FAM13C: variants seen among roughly 807,000 people sequenced by gnomAD.
The protein encoded by FAM13C is family with sequence similarity 13 member C, also known as protein FAM13C.
In FAM13C, 37 loss-of-function variants were observed where a neutral mutation model predicts 73.2. That is an observed-to-expected ratio of 0.51 (90% CI 0.39 to 0.67). The LOEUF (loss-of-function observed/expected upper bound fraction) is 0.67. Ranked by LOEUF, FAM13C falls within the 30% of genes least tolerant of loss-of-function variation. The probability of loss-of-function intolerance (pLI) is 0.00; values close to 1 mark genes in which losing one functional copy is unlikely to be tolerated. For missense variants in FAM13C, 589 were observed against 715.6 expected, an observed-to-expected ratio of 0.82 and a Z score of 2.02; for synonymous variants, 246 against 260.9, an observed-to-expected ratio of 0.94 and a Z score of 0.55.
chr10:59,297,412 A>T (rs1309215525), intron 5 of FAM13C, among the ~76,000 whole-genome samples: 4 of 152,184 alleles, frequency 2.6e-5, no homozygotes, highest in African/African-American at 9.7e-5. Flanking sequence ...TGAATAGATT[A>T]TCATCCCCTT....
rs114253399 is a variant in FAM13C at position 59,269,814 on chromosome 10, C to T, written c.803+85G>A. ...GCGTTAGGCAGGCACATTTGTGCTA[C>T]TTCAGTCACACTTCATTGTAGCTTA... On this transcript the variant is annotated intron_variant, in intron 7 of 13. Coordinates refer to ENST00000618804, the MANE Select transcript of FAM13C (RefSeq NM_198215.4). 2.7e-3 allele frequency: 3,958 copies of T among 1,471,856 alleles called. 26 individuals carry two copies. Among genetic ancestry groups the T allele is most frequent in the African/African-American group, 0.021 (1,527 of 71,918 alleles). 91.2% of individuals were successfully genotyped at this position (1,471,856 alleles called of 1,614,324 possible).
intron 4 of FAM13C, among the ~76,000 whole-genome samples, chr10:59,311,043 G>C (rs929204952): frequency 2.6e-5 from 4 of 152,170 alleles, no homozygotes; most frequent in African/African-American, 7.2e-5. Context: ...TTTCTGGCCT[G>C]GTCCCCCAGG....
intron 3 of FAM13C, among the ~76,000 whole-genome samples, chr10:59,331,124 G>C (rs761708190): frequency 3.9e-5 from 6 of 152,194 alleles, no homozygotes; most frequent in Non-Finnish European, 8.8e-5. Context: ...AGTCAAGTTA[G>C]CAGTGGCAAT....
At chr10:59,341,240 T>C (rs1006791346) in intron 3 of FAM13C, among the ~76,000 whole-genome samples, 11 of 152,192 alleles carry the variant, frequency 7.2e-5, no homozygotes, top group African/African-American at 2.4e-4. Context: ...TCATGTTACC[T>C]ACAGCTGAAA....
In FAM13C at chr10:59,286,516, AATATATAT is replaced by A. The variant is rs1159774665; in HGVS notation, c.508-3077_508-3070del. On this transcript the variant is annotated intron_variant, in intron 5 of 13. Transcript: ENST00000618804. ...GGCAACAGAGCAAGACTCCATCTCA[AATATATAT>A]ATATATATATATATATATTCATCAT... Among the ~76,000 whole-genome samples the A allele has an allele frequency of 1.6e-3, 180 of 110,942 alleles. 9 individuals are homozygous for A. In the Middle Eastern group the frequency reaches 0.019, roughly 12 times the overall value. The allele number at this position is 110,942 out of a possible 152,430, so 72.8% of individuals were successfully genotyped here.
At chr10:59,309,604 TC>T (rs1848690543) in intron 4 of FAM13C, among the ~76,000 whole-genome samples, 1 of 152,222 alleles carries the variant, frequency 6.6e-6, no homozygotes, top group South Asian at 2.1e-4. Context: ...AGTAACTCAT[TC>T]ATACTTTAGA....
chr10:59,255,628 A>G (rs774889479), intron 10 of FAM13C, among the ~76,000 whole-genome samples: 7 of 152,158 alleles, frequency 4.6e-5, no homozygotes, highest in Non-Finnish European at 4.4e-5. Context: ...TCACCCAGGC[A>G]TCTTTTATCA....
chr10:59,352,138 G>T, intron 3 of FAM13C, 132 bp downstream of exon 3: 1 of 975,582 alleles, frequency 1.0e-6, no homozygotes, highest in Non-Finnish European at 1.5e-6. Context: ...TCTCAGGTCG[G>T]CAGAGCACGC....
Position 59,352,282 on chromosome 10 carries a change from G to A in FAM13C, c.312C>T (p.His104=), listed in dbSNP as rs561899209. 772 of 1,613,892 alleles carry A rather than the reference G, an allele frequency of 4.8e-4. 9 individuals carry two copies. In the South Asian group the frequency reaches 8.1e-3, roughly 17 times the overall value. ...AGAGAGCTGCTACCTGACTTTCTCCGTGGCTCCTCCCGCTCTCCGCTTTGA... is the reference window on the plus strand; with the variant it reads ...AGAGAGCTGCTACCTGACTTTCTCCATGGCTCCTCCCGCTCTCCGCTTTGA... ...SIFKAESGRS[H]GESQETEHVV... The change falls in exon 3 of 14, where the codon CAC becomes CAT. Residue 104 remains histidine, a synonymous_variant. Coordinates refer to ENST00000618804, the MANE Select transcript of FAM13C (RefSeq NM_198215.4).
chr10:59,268,452 C>T (rs1843329324), intron 8 of FAM13C, 101 bp downstream of exon 8: 3 of 1,490,138 alleles, frequency 2.0e-6, no homozygotes, highest in Non-Finnish European at 2.7e-6. Context: ...ACAGAGCTGT[C>T]CCCTGGCAAA....
chr10:59,331,502 A>G (rs1851974437), intron 3 of FAM13C, among the ~76,000 whole-genome samples: 1 of 152,178 alleles, frequency 6.6e-6, no homozygotes. Context: ...GAAACCTCTA[A>G]GTATGAAGAC....
chr10:59,349,362 C>T (rs1854725174), intron 3 of FAM13C, among the ~76,000 whole-genome samples: 1 of 152,206 alleles, frequency 6.6e-6, no homozygotes, highest in South Asian at 2.1e-4. Context: ...CTCTTGGATA[C>T]AGGCATCTGA....
chr10:59,326,295 CA>C (rs568687183), intron 3 of FAM13C, among the ~76,000 whole-genome samples: 51 of 152,200 alleles, frequency 3.4e-4, no homozygotes, highest in African/African-American at 1.1e-3. Context: ...GTCCCTGATT[CA>C]AATGGGGAAA....
intron 4 of FAM13C, among the ~76,000 whole-genome samples, chr10:59,304,259 C>A (rs988458033): frequency 5.9e-5 from 9 of 152,060 alleles, no homozygotes; most frequent in Non-Finnish European, 8.8e-5. Context: ...GATATCAGAC[C>A]TTTGAGGGAT....
At chr10:59,269,800 G>A in intron 7 of FAM13C, 99 bp downstream of exon 7, 1 of 1,370,460 alleles carries the variant, frequency 7.3e-7, no homozygotes, top group South Asian at 1.3e-5. Context: ...CGTTAGGCAG[G>A]CACATTTGTG....
chr10:59,351,349 T>A (rs1031459725), intron 3 of FAM13C, among the ~76,000 whole-genome samples: 8 of 127,704 alleles, frequency 6.3e-5, no homozygotes, highest in African/African-American at 1.5e-4. Flanking sequence ...AAAAAAAGCA[T>A]CATGAATCAT....
intron 5 of FAM13C, among the ~76,000 whole-genome samples, chr10:59,287,280 T>G (rs1377761898): frequency 8.0e-6 from 1 of 125,776 alleles, no homozygotes; most frequent in Non-Finnish European, 1.6e-5. Context: ...GAGGTTGCAG[T>G]GAGTGGAGAT....
At chr10:59,267,206 T>A (rs1843163539) in intron 8 of FAM13C, among the ~76,000 whole-genome samples, 1 of 152,188 alleles carries the variant, frequency 6.6e-6, no homozygotes, top group Admixed American at 6.5e-5. Context: ...TACGAGGACA[T>A]CATAGATCCA....
At chr10:59,333,010 C>T (rs369122416) in intron 3 of FAM13C, among the ~76,000 whole-genome samples, 2 of 87,754 alleles carry the variant, frequency 2.3e-5, no homozygotes, top group Admixed American at 1.1e-4. Context: ...TTTATTTATT[C>T]ATTTATTGGT....
Sources: gnomAD v4.1 joint callset for allele counts (sites outside exome capture counted in the v4.1 genomes callset) on GRCh38, gnomAD v4.1.1 for gene constraint, MANE v1.5 for transcripts, NCBI Gene and HGNC (gene_info 2026-07-23, HGNC 2026-07-21) for gene names.